Variants in BFSP1 observed in about 807,000 individuals in gnomAD.
BFSP1 encodes beaded filament structural protein 1.
BFSP1 carries 38 observed loss-of-function variants against 43.9 expected under a neutral mutation model. The observed-to-expected ratio is 0.87, with a 90% CI of 0.67 to 1.14. The LOEUF (loss-of-function observed/expected upper bound fraction) is 1.14, where lower values mean the gene tolerates loss of function less well. Ranked by LOEUF, BFSP1 falls within the 50% of genes most tolerant of loss-of-function variation. The pLI is 0.00. For missense variants in BFSP1, 850 were observed against 875.1 expected (o/e 0.97, Z 0.36); for synonymous variants, 352 against 354.8 (o/e 0.99, Z 0.09).
At chr20:17,500,569 T>C (rs2269039) in intron 5 of BFSP1, among the ~76,000 whole-genome samples, 94,894 of 152,122 alleles carry the variant, frequency 0.62, 30,061 homozygotes, top group Middle Eastern at 0.72. Context: ...TAATACTTGA[T>C]GATGATAATA....
At chr20:17,511,605 G>T (rs983405711) in intron 4 of BFSP1, among the ~76,000 whole-genome samples, 1 of 152,186 alleles carries the variant, frequency 6.6e-6, no homozygotes, top group African/African-American at 2.4e-5. Flanking sequence ...CATACCAAGT[G>T]CTGGCAAGGA....
chr20:17,522,510 G>A (rs566359384), intron 2 of BFSP1, among the ~76,000 whole-genome samples: 2 of 152,304 alleles, frequency 1.3e-5, no homozygotes, highest in South Asian at 2.1e-4. Context: ...TCATTCTTAC[G>A]TAGGTTTATT....
intron 5 of BFSP1, among the ~76,000 whole-genome samples, chr20:17,504,644 A>C (rs979861535): frequency 2.0e-5 from 3 of 152,224 alleles, no homozygotes; most frequent in African/African-American, 7.2e-5. Flanking sequence ...CAGAAACTGC[A>C]GGAGGGGTCA....
chr20:17,536,130 T>A (rs905142015), upstream of BFSP1, among the ~76,000 whole-genome samples: 3 of 152,198 alleles, frequency 2.0e-5, no homozygotes, highest in African/African-American at 7.2e-5. Context: ...ATAAAAATGC[T>A]TATAACAAAC....
At chr20:17,496,459 TGA>T (rs1351823416) in intron 7 of BFSP1, among the ~76,000 whole-genome samples, 2 of 152,150 alleles carry the variant, frequency 1.3e-5, no homozygotes, top group Non-Finnish European at 2.9e-5. Flanking sequence ...GAGGGGAGAA[TGA>T]GAGATGACTG....
intron 1 of BFSP1, among the ~76,000 whole-genome samples, chr20:17,553,794 TACACACACACACACACACACACAC>T (rs144515006): frequency 2.4e-4 from 25 of 104,944 alleles, no homozygotes; most frequent in Admixed American, 9.2e-4. Context: ...TATATATATA[TACACACACACACACACACACACAC>T]ACACACATAT....
chr20:17,544,822 C>T (rs1050121104), intron 1 of BFSP1, among the ~76,000 whole-genome samples: 8 of 152,136 alleles, frequency 5.3e-5, no homozygotes, highest in African/African-American at 1.9e-4. Context: ...AATCATCAAG[C>T]TTTTAGCAGC....
intron 1 of BFSP1, among the ~76,000 whole-genome samples, chr20:17,564,884 C>T (rs1005590810): frequency 1.3e-5 from 2 of 151,950 alleles, no homozygotes; most frequent in Admixed American, 6.6e-5. Flanking sequence ...CCACCATGTC[C>T]GGCAAAATGC....
At chr20:17,530,860 C>A in intron 1 of BFSP1, 93 bp downstream of exon 1, 2 of 1,268,154 alleles carry the variant, frequency 1.6e-6, no homozygotes, top group Non-Finnish European at 2.0e-6. Flanking sequence ...AGAGACGGCG[C>A]TCCACCCCTG....
At chr20:17,501,594 T>C (rs1380747320) in intron 5 of BFSP1, among the ~76,000 whole-genome samples, 1 of 136,134 alleles carries the variant, frequency 7.3e-6, no homozygotes, top group Non-Finnish European at 1.6e-5. Flanking sequence ...AGCGAGACTC[T>C]GTCAAAAAAA....
chr20:17,557,270 C>T (rs1271839980), intron 1 of BFSP1, among the ~76,000 whole-genome samples: 1 of 152,254 alleles, frequency 6.6e-6, no homozygotes, highest in African/African-American at 2.4e-5. Flanking sequence ...CTGGCCCTCG[C>T]AGTTTCTCTT....
At chr20:17,546,697 C>A (rs954206700) in intron 1 of BFSP1, among the ~76,000 whole-genome samples, 1 of 151,456 alleles carries the variant, frequency 6.6e-6, no homozygotes, top group South Asian at 2.1e-4. Context: ...GAGTGAGACT[C>A]CATTTAAAAA....
intron 1 of BFSP1, among the ~76,000 whole-genome samples, chr20:17,537,589 AC>A (rs1177864015): frequency 1.5e-3 from 234 of 151,200 alleles, no homozygotes; most frequent in Middle Eastern, 0.014. Context: ...AAAAAAAAAA[AC>A]AAATTTGTGT....
chr20:17,530,550 G>A (rs1035959283), intron 1 of BFSP1, among the ~76,000 whole-genome samples: 1 of 152,180 alleles, frequency 6.6e-6, no homozygotes, highest in Admixed American at 6.5e-5. Context: ...GGGTGCCTCC[G>A]GTCTGGGGCA....
At chr20:17,509,755 AG>A (rs1448592106) in intron 4 of BFSP1, among the ~76,000 whole-genome samples, 1 of 152,222 alleles carries the variant, frequency 6.6e-6, no homozygotes, top group African/African-American at 2.4e-5. Context: ...AGTGGGTGAA[AG>A]GGAAGTGACG....
intron 1 of BFSP1, among the ~76,000 whole-genome samples, chr20:17,544,617 T>C (rs1263355410): frequency 6.6e-6 from 1 of 152,186 alleles, no homozygotes; most frequent in Non-Finnish European, 1.5e-5. Context: ...CTTAAAAAAA[T>C]CAGTATGAGA....
chr20:17,533,316 A>G (rs1302999187), upstream of BFSP1, among the ~76,000 whole-genome samples: 3 of 152,262 alleles, frequency 2.0e-5, no homozygotes, highest in African/African-American at 7.2e-5. Flanking sequence ...AATTGACTTC[A>G]GGCTTCCTCA....
chr20:17,494,407 G>A lies in BFSP1; in HGVS notation c.1665C>T (p.Gly555=). The change falls in exon 8 of 8, where the codon GGC becomes GGT. Residue 555 remains glycine (G), a synonymous_variant. Coordinates refer to ENST00000377873, the MANE Select transcript of BFSP1 (RefSeq NM_001195.5). ...CCTCACCCTCACGTTTCTCTTCAGG[G>A]CCTTCCAGCTCTGCACCATCTGGCT... ...EIEPDGAELE[G]PEEKREGEER... 1.2e-6 allele frequency: 2 copies of A among 1,614,206 alleles called. No homozygotes were observed. Among genetic ancestry groups the A allele is most frequent in the Non-Finnish European group, 1.7e-6 (2 of 1,180,044 alleles).
intron 1 of BFSP1, among the ~76,000 whole-genome samples, chr20:17,527,456 G>A (rs1015189602): frequency 5.9e-5 from 9 of 152,256 alleles, no homozygotes; most frequent in Middle Eastern, 3.4e-3. Flanking sequence ...TTCCGGGCGC[G>A]GTGGCTCACG....
Sources: allele counts gnomAD v4.1 joint callset (sites outside exome capture counted in the v4.1 genomes callset), GRCh38; gene constraint gnomAD v4.1.1; transcripts MANE v1.5; gene names NCBI Gene and HGNC (gene_info 2026-07-23, HGNC 2026-07-21).